PHEX: variants seen among roughly 807,000 people sequenced by gnomAD.
The protein encoded by PHEX is phosphate regulating endopeptidase X-linked, also known as phosphate-regulating neutral endopeptidase PHEX.
PHEX carries 16 observed loss-of-function variants against 68.0 expected under a neutral mutation model. The observed-to-expected ratio is 0.24, with a 90% CI of 0.16 to 0.36. The LOEUF (loss-of-function observed/expected upper bound fraction) is 0.36. Ranked by LOEUF, PHEX falls within the 10% of genes least tolerant of loss-of-function variation. The probability of loss-of-function intolerance (pLI) is 1.00; values close to 1 mark genes in which losing one functional copy is unlikely to be tolerated. For synonymous variants in PHEX, 208 were observed against 205.1 expected (o/e 1.01, Z -0.12); for missense variants, 480 against 575.5 (o/e 0.83, Z 1.70).
At chrX:22,083,992 T>G (rs1373732447) in intron 5 of PHEX, among the ~76,000 whole-genome samples, 1 of 112,170 alleles carries the variant, frequency 8.9e-6, no homozygotes, top group Non-Finnish European at 1.9e-5. Context: ...GCTTTTACTT[T>G]TTGAGGTGTG....
intron 13 of PHEX, among the ~76,000 whole-genome samples, chrX:22,174,653 G>C (rs753388460): frequency 9.0e-6 from 1 of 111,391 alleles, no homozygotes; most frequent in East Asian, 2.8e-4. Flanking sequence ...TAGAGAAAAC[G>C]CACTCATAAT....
chrX:22,065,010 T>A (rs1602265100), intron 3 of PHEX, among the ~76,000 whole-genome samples: 2 of 112,542 alleles, frequency 1.8e-5, no homozygotes, highest in Non-Finnish European at 1.9e-5. Flanking sequence ...ATGGACTATT[T>A]GCTTTAAAGC....
At chrX:22,119,830 T>C (rs1479022801) in intron 11 of PHEX, among the ~76,000 whole-genome samples, 1 of 110,558 alleles carries the variant, frequency 9.0e-6, no homozygotes, top group Non-Finnish European at 1.9e-5. Flanking sequence ...CTCCTGACTT[T>C]AAGTGATCTC....
chrX:22,149,508 C>A (rs1932798902), intron 12 of PHEX, among the ~76,000 whole-genome samples: 1 of 112,857 alleles, frequency 8.9e-6, no homozygotes, highest in Non-Finnish European at 1.9e-5. Flanking sequence ...AATCCCAGCA[C>A]TTTGGGAGGC....
intron 5 of PHEX, among the ~76,000 whole-genome samples, chrX:22,080,169 A>C (rs1405067496): frequency 8.9e-6 from 1 of 111,789 alleles, no homozygotes; most frequent in Non-Finnish European, 1.9e-5. Context: ...CCAATTTTTA[A>C]TAGCTTGCCT....
chrX:22,063,517 C>T (rs1295539663), intron 3 of PHEX, among the ~76,000 whole-genome samples: 1 of 111,936 alleles, frequency 8.9e-6, no homozygotes, highest in Non-Finnish European at 1.9e-5. Context: ...GTGGGGAATG[C>T]GTGGGAGGTG....
At chrX:22,121,151 A>G (rs777531757) in intron 11 of PHEX, among the ~76,000 whole-genome samples, 14 of 112,505 alleles carry the variant, frequency 1.2e-4, no homozygotes, top group Non-Finnish European at 2.2e-4. Context: ...CACTTGTTAA[A>G]ATAGTAATGA....
At chrX:22,111,191 T>C (rs192939293) in intron 9 of PHEX, among the ~76,000 whole-genome samples, 1 of 112,479 alleles carries the variant, frequency 8.9e-6, no homozygotes, top group East Asian at 2.8e-4. Context: ...CAGTGGACTT[T>C]ATACCCTGAG....
chrX:22,132,874 G>GTT (rs11300888), intron 11 of PHEX, among the ~76,000 whole-genome samples: 6 of 102,519 alleles, frequency 5.9e-5, no homozygotes, highest in Admixed American at 3.2e-4. Flanking sequence ...GAAAGAAATG[G>GTT]TTTTTTTTTT....
At chrX:22,051,257 G>T (rs753700113) in intron 3 of PHEX, among the ~76,000 whole-genome samples, 101 of 112,423 alleles carry the variant, frequency 9.0e-4, no homozygotes, top group Non-Finnish European at 1.6e-3. Context: ...ATAGCTGGAC[G>T]CAGTGGCTCT....
intron 15 of PHEX, among the ~76,000 whole-genome samples, chrX:22,198,949 A>C (rs935892128): frequency 9.0e-6 from 1 of 111,486 alleles, no homozygotes; most frequent in Non-Finnish European, 1.9e-5. Context: ...CATGTCTTAC[A>C]TGGTGGCAGG....
intron 3 of PHEX, among the ~76,000 whole-genome samples, chrX:22,055,200 A>C (rs1228197849): frequency 2.4e-5 from 2 of 83,322 alleles, no homozygotes; most frequent in African/African-American, 9.3e-5. Flanking sequence ...AAAAAAAAAA[A>C]AAAAAAAAAA....
At chrX:22,070,091 T>G (rs867574032) in intron 3 of PHEX, among the ~76,000 whole-genome samples, 1 of 110,958 alleles carries the variant, frequency 9.0e-6, no homozygotes, top group Middle Eastern at 4.6e-3. Context: ...ATAGTAGGAT[T>G]AGAGGCAGCA....
At chrX:22,047,355 T>G (rs1167317164) in intron 3 of PHEX, 144 bp downstream of exon 3, 6 of 556,889 alleles carry the variant, frequency 1.1e-5, no homozygotes, top group Admixed American at 8.5e-5. Flanking sequence ...AATGAAAGAT[T>G]GAAAGGAAAG....
chrX:22,127,369 T>C (rs1191274647), intron 11 of PHEX, among the ~76,000 whole-genome samples: 1 of 111,443 alleles, frequency 9.0e-6, no homozygotes, highest in Non-Finnish European at 1.9e-5. Context: ...ATTAATGTTA[T>C]ATGCTGCCTG....
chrX:22,071,969 G>A (rs921649396), intron 3 of PHEX, among the ~76,000 whole-genome samples: 1 of 111,938 alleles, frequency 8.9e-6, no homozygotes, highest in Non-Finnish European at 1.9e-5. Context: ...GCTCATGCCT[G>A]TAATCCCAGC....
At chrX:22,112,340 A>G (rs1931009778) in intron 10 of PHEX, among the ~76,000 whole-genome samples, 1 of 111,111 alleles carries the variant, frequency 9.0e-6, no homozygotes, top group Non-Finnish European at 1.9e-5. Context: ...GTTTGTACCC[A>G]TGTTACTCTC....
At chrX:22,193,349 T>C (rs1282265632) in intron 15 of PHEX, among the ~76,000 whole-genome samples, 1 of 111,380 alleles carries the variant, frequency 9.0e-6, no homozygotes, top group Non-Finnish European at 1.9e-5. Flanking sequence ...ACGAAATTAA[T>C]ATGTGCCTAC....
At position 22,077,640 on chromosome X, in the gene PHEX, T is replaced by G; in HGVS notation, c.601T>G (p.Ser201Ala). 2 of 1,210,778 alleles carry G rather than the reference T, an allele frequency of 1.7e-6. No homozygotes were observed. The highest frequency in any genetic ancestry group is 1.8e-5 in the South Asian group (1 of 56,953). The change falls in exon 5 of 22, where the codon TCT becomes GCT. Residue 201 changes from serine (S) to alanine (A), a missense_variant. Coordinates refer to ENST00000379374, the MANE Select transcript of PHEX (RefSeq NM_000444.6). ...LATFRGQYSN[S>A]VFIRLYVSPD... ...AACGTTTCGTGGTCAATACAGCAAT[T>G]CTGTGTTCATCCGTTTGTATGTGTC...
Sources: gnomAD v4.1 joint callset for allele counts (sites outside exome capture counted in the v4.1 genomes callset) on GRCh38, gnomAD v4.1.1 for gene constraint, MANE v1.5 for transcripts, NCBI Gene and HGNC (gene_info 2026-07-23, HGNC 2026-07-21) for gene names.